The following CDH12 variants were observed in gnomAD, a reference collection of about 807,000 sequenced individuals.
CDH12 encodes the protein cadherin-12.
CDH12 carries 41 observed loss-of-function variants against 74.1 expected under a neutral mutation model. That is an observed-to-expected ratio of 0.55 (90% confidence interval 0.43 to 0.72). The LOEUF is 0.72. Ranked by LOEUF, CDH12 falls within the 30% of genes least tolerant of loss-of-function variation. CDH12 has a pLI of 0.00. For missense variants in CDH12, 945 were observed against 977.2 expected, an observed-to-expected ratio of 0.97 and a Z score of 0.44; for synonymous variants, 399 against 355.0, an observed-to-expected ratio of 1.12 and a Z score of -1.39.
intron 13 of CDH12, among the ~76,000 whole-genome samples, chr5:21,756,778 A>G (rs1024111506): frequency 2.0e-5 from 3 of 152,200 alleles, no homozygotes; most frequent in African/African-American, 7.2e-5. Flanking sequence ...TTAAAAGTGT[A>G]TAATATATTA....
intron 1 of CDH12, among the ~76,000 whole-genome samples, chr5:22,642,280 T>C (rs1353551234): frequency 6.6e-6 from 1 of 152,210 alleles, no homozygotes; most frequent in East Asian, 1.9e-4. Flanking sequence ...TAGAGACATT[T>C]GATGTCCTTA....
intron 3 of CDH12, among the ~76,000 whole-genome samples, chr5:22,399,764 A>G (rs1561374425): frequency 6.6e-6 from 1 of 151,688 alleles, no homozygotes; most frequent in Non-Finnish European, 1.5e-5. Context: ...GAAATGTGTT[A>G]CTTATTACCT....
intron 2 of CDH12, among the ~76,000 whole-genome samples, chr5:22,429,531 A>T (rs1429897691): frequency 2.0e-5 from 3 of 152,146 alleles, no homozygotes; most frequent in Admixed American, 6.6e-5. Flanking sequence ...AGTTATGCAC[A>T]TCTTTCTATG....
Position 22,262,332 on chromosome 5 carries a change from T to C in CDH12, c.-332-49689A>G, listed in dbSNP as rs534615456. 5.2e-3 allele frequency among the ~76,000 whole-genome samples: 757 copies of C among 144,306 alleles called. 2 individuals carry two copies. Among genetic ancestry groups the C allele is most frequent in the Admixed American group, 6.8e-3 (92 of 13,584 alleles). The allele number at this position is 144,306 out of a possible 152,430, so 94.7% of individuals were successfully genotyped here. On this transcript the variant is annotated intron_variant, in intron 3 of 14. Transcript: ENST00000382254. The stretch of plus-strand genomic sequence containing the variant: ...CCCTTCCTGTGTCCATGTGATCTCA[T>C]TGTTCAATTCCCACCTATGAGTGAG...
At chr5:22,375,381 T>G (rs778964324) in intron 3 of CDH12, among the ~76,000 whole-genome samples, 120 of 151,960 alleles carry the variant, frequency 7.9e-4, no homozygotes, top group Non-Finnish European at 7.8e-4. Context: ...AAGACATCAG[T>G]CTAGATAAAT....
chr5:22,425,006 C>G (rs960844727), intron 2 of CDH12, among the ~76,000 whole-genome samples: 1 of 149,756 alleles, frequency 6.7e-6, no homozygotes, highest in East Asian at 2.0e-4. Context: ...TTCTTCCATA[C>G]ATGATATATC....
At chr5:21,912,635 G>T (rs1247762195) in intron 6 of CDH12, among the ~76,000 whole-genome samples, 3 of 152,150 alleles carry the variant, frequency 2.0e-5, no homozygotes, top group Admixed American at 6.5e-5. Flanking sequence ...GAAGGCAGCA[G>T]TTGTTAACTT....
chr5:21,759,585 T>C (rs930760924), intron 13 of CDH12, among the ~76,000 whole-genome samples: 2 of 152,116 alleles, frequency 1.3e-5, no homozygotes, highest in Non-Finnish European at 2.9e-5. Flanking sequence ...ATTGTATACA[T>C]TAAGAATCTG....
chr5:21,962,480 T>C (rs998575015), intron 6 of CDH12, among the ~76,000 whole-genome samples: 4 of 152,192 alleles, frequency 2.6e-5, no homozygotes, highest in African/African-American at 9.6e-5. Context: ...TCTAAGGACA[T>C]ATTCATAATA....
chr5:22,297,157 G>A (rs1190064997), intron 3 of CDH12, among the ~76,000 whole-genome samples: 1 of 151,898 alleles, frequency 6.6e-6, no homozygotes, highest in African/African-American at 2.4e-5. Context: ...GAGTAGCTGG[G>A]GTTACAGGCA....
intron 6 of CDH12, among the ~76,000 whole-genome samples, chr5:21,946,910 C>T (rs1043403266): frequency 6.6e-6 from 1 of 152,184 alleles, no homozygotes; most frequent in Non-Finnish European, 1.5e-5. Context: ...ATGATCCTCC[C>T]GTGTCAAGGG....
intron 9 of CDH12, among the ~76,000 whole-genome samples, chr5:21,804,979 T>C (rs904356951): frequency 1.3e-5 from 2 of 152,152 alleles, no homozygotes; most frequent in Admixed American, 6.6e-5. Context: ...TTCCAAACTC[T>C]AAATGCTCTA....
At chr5:22,165,981 A>G (rs961923941) in intron 4 of CDH12, among the ~76,000 whole-genome samples, 1 of 152,184 alleles carries the variant, frequency 6.6e-6, no homozygotes, top group Non-Finnish European at 1.5e-5. Context: ...ACAAGCAACC[A>G]TCAGCCCTCA....
intron 3 of CDH12, among the ~76,000 whole-genome samples, chr5:22,383,835 G>C (rs1193586037): frequency 6.6e-6 from 1 of 151,964 alleles, no homozygotes; most frequent in Non-Finnish European, 1.5e-5. Context: ...GATCTCTCCC[G>C]CTCTCCCCCA....
At chr5:22,003,287 T>C (rs1420380612) in intron 5 of CDH12, among the ~76,000 whole-genome samples, 1 of 152,174 alleles carries the variant, frequency 6.6e-6, no homozygotes, top group East Asian at 1.9e-4. Flanking sequence ...CAGAGGTTTA[T>C]TTAACTGGAA....
chr5:22,138,173 T>C (rs1486021633), intron 4 of CDH12, among the ~76,000 whole-genome samples: 1 of 152,010 alleles, frequency 6.6e-6, no homozygotes, highest in Admixed American at 6.6e-5. Flanking sequence ...ACTTAAAAAA[T>C]AGTACTCATG....
intron 6 of CDH12, among the ~76,000 whole-genome samples, chr5:21,965,880 G>C (rs1756559587): frequency 6.6e-6 from 1 of 151,938 alleles, no homozygotes; most frequent in East Asian, 1.9e-4. Flanking sequence ...AACATTTTTA[G>C]TTTTAGTTTT....
chr5:21,910,665 G>A (rs1285189280), intron 6 of CDH12, among the ~76,000 whole-genome samples: 1 of 132,028 alleles, frequency 7.6e-6, no homozygotes, highest in African/African-American at 2.6e-5. Flanking sequence ...CAAGAGAAAG[G>A]TAGGATTTAT....
chr5:22,678,926 T>G (rs1236369056), intron 1 of CDH12, among the ~76,000 whole-genome samples: 1 of 152,124 alleles, frequency 6.6e-6, no homozygotes, highest in Non-Finnish European at 1.5e-5. Flanking sequence ...ATGAAATGAA[T>G]GCATTATTTT....
Sources: gnomAD v4.1 joint callset for allele counts (sites outside exome capture counted in the v4.1 genomes callset) on GRCh38, gnomAD v4.1.1 for gene constraint, MANE v1.5 for transcripts, NCBI Gene and HGNC (gene_info 2026-07-23, HGNC 2026-07-21) for gene names.